Variants in ADAM11 observed in about 807,000 individuals in gnomAD.
ADAM11 encodes ADAM metallopeptidase domain 11.
ADAM11 carries 49 observed loss-of-function variants against 119.1 expected under a neutral mutation model. The observed-to-expected ratio is 0.41, with a 90% CI of 0.33 to 0.52. ADAM11 has a LOEUF of 0.52. Among genes scored for constraint, ADAM11 ranks in the 20% least tolerant of loss-of-function variants. The pLI, the probability that ADAM11 is intolerant of heterozygous loss-of-function variation, is 0.20. For missense variants in ADAM11, 777 were observed against 1,047.5 expected (o/e 0.74, Z 3.56); for synonymous variants, 364 against 408.0 (o/e 0.89, Z 1.30).
rs761082990 is a variant in ADAM11, at chr17:44,772,318, G to A, written c.595G>A (p.Gly199Arg). 32 of 1,601,806 alleles carry A rather than the reference G, an allele frequency of 2.0e-5. No homozygotes were observed. The highest frequency in any genetic ancestry group is 5.4e-5 in the African/African-American group (4 of 74,598). Residue 199 changes from glycine to arginine, a missense_variant, in exon 7 of 27, where the codon GGA becomes AGA. Transcript: ENST00000200557. This position sits in a 1 kb window ranked among gnomAD's most constrained non-coding sequence, Gnocchi z 4.5. Reference protein sequence around the residue: ...YRTPLLPDPLGCREPGCLFAV... With the variant: ...YRTPLLPDPLRCREPGCLFAV... ...GACCCCTCTCCTCCCAGATCCCCTC[G>A]GATGCAGGGAACCAGGTAAGGGAGG...
Position 44,777,342 on chromosome 17 carries a change from C to T in ADAM11, c.1781+77C>T, listed in dbSNP as rs917895323. ...CTTTTCAGAGATGGGGCAGCAGGTT[C>T]TCCCAGGAGGAGCCTGTCAGTCCCA... On this transcript the variant is annotated intron_variant, in intron 21 of 26. Coordinates refer to ENST00000200557, the MANE Select transcript of ADAM11 (RefSeq NM_002390.6). The surrounding 1 kb of genome is among the most constrained non-coding windows in gnomAD (Gnocchi z 5.1). The T allele has an allele frequency of 1.3e-6, 2 of 1,538,866 alleles. No individual in the cohort carries two copies. Among genetic ancestry groups the T allele is most frequent in the South Asian group, 2.4e-5 (2 of 83,884 alleles).
chr17:44,760,134 A>G (rs1050829771), intron 2 of ADAM11, among the ~76,000 whole-genome samples: 4 of 152,336 alleles, frequency 2.6e-5, no homozygotes, highest in African/African-American at 9.6e-5. Flanking sequence ...AGGGACCACT[A>G]ATGCCTAGGT....
Position 44,776,943 on chromosome 17 carries a change from C to T in ADAM11, c.1662C>T (p.Cys554=). The T allele has an allele frequency of 6.2e-7, 1 of 1,612,760 alleles. No homozygotes were observed. Among genetic ancestry groups the T allele is most frequent in the Admixed American group, 1.7e-5 (1 of 59,964 alleles). The change falls in exon 20 of 27, where the codon TGC becomes TGT. Residue 554 remains cysteine, a synonymous_variant. Coordinates refer to ENST00000200557, the MANE Select transcript of ADAM11 (RefSeq NM_002390.6). This position sits in a 1 kb window ranked among gnomAD's most constrained non-coding sequence, Gnocchi z 5.2. ...GCTGCAAAACCCGGGACCGGCAGTG[C>T]CAGGTTCTTTGGGGCCATGGTGAGT... ...GGRCKTRDRQ[C]QVLWGHAAAD...
rs373966292 is a variant in ADAM11, at chr17:44,774,284, C to G, written c.993-11C>G. 3 of 1,456,590 alleles carry G rather than the reference C, an allele frequency of 2.1e-6. No individual in the cohort carries two copies. Among genetic ancestry groups the G allele is most frequent in the African/African-American group, 2.9e-5 (2 of 69,868 alleles). The allele number at this position is 1,456,590 out of a possible 1,614,324, so 90.2% of individuals were successfully genotyped here. ...GGCAGGAGGCCATCCTGACAGCGCA[C>G]TCCCTTCCAGGGGCAGGACCTTCCA... On this transcript the variant is annotated splice_polypyrimidine_tract_variant and intron_variant, in intron 11 of 26. Transcript: ENST00000200557.
chr17:44,771,542 C>T (rs767438365), intron 4 of ADAM11, 42 bp from the exon 5 acceptor site: 55 of 1,595,524 alleles, frequency 3.4e-5, no homozygotes, highest in Middle Eastern at 4.3e-4. Flanking sequence ...TGGCTGCCCC[C>T]GGCCTCATGC....
chr17:44,778,275 A>T (rs749873167), intron 25 of ADAM11, 33 bp downstream of exon 25: 6 of 1,587,506 alleles, frequency 3.8e-6, no homozygotes, highest in Non-Finnish European at 5.1e-6. Context: ...GCCCCCTGGC[A>T]TCCTTGAGGG....
At chr17:44,764,237 C>T (rs193210200) in intron 2 of ADAM11, among the ~76,000 whole-genome samples, 2 of 152,310 alleles carry the variant, frequency 1.3e-5, no homozygotes, top group Admixed American at 1.3e-4. Context: ...GATGCCCAGG[C>T]CAGCATTTAC....
rs759203503 is a variant in ADAM11 at position 44,780,192 on chromosome 17, T to A, written c.*438T>A. 3.5e-5 allele frequency: 17 copies of A among 481,926 alleles called. No individual in the cohort carries two copies. Among genetic ancestry groups the A allele is most frequent in the East Asian group, 5.8e-5 (1 of 17,344 alleles). The allele number at this position is 481,926 out of a possible 1,614,324, so 29.9% of individuals were successfully genotyped here. On this transcript the variant is annotated 3_prime_UTR_variant, in exon 27 of 27. Coordinates refer to ENST00000200557, the MANE Select transcript of ADAM11 (RefSeq NM_002390.6). ...GGACGGGGCTGACATCTACATTTTT[T>A]AAAACTGAATCTTAATCGATGAATG...
chr17:44,776,818 C>T lies in ADAM11; in HGVS notation c.1617+23C>T. ...CAGGTATGATGGCTGCCCCCTGAGCCTGGGATTCAGGGCAGTCTCTTGTCT... is the reference window on the plus strand; with the variant it reads ...CAGGTATGATGGCTGCCCCCTGAGCTTGGGATTCAGGGCAGTCTCTTGTCT... On this transcript the variant is annotated intron_variant, in intron 19 of 26. Transcript: ENST00000200557. This position sits in a 1 kb window ranked among gnomAD's most constrained non-coding sequence, Gnocchi z 5.2. 1 of 1,614,178 alleles carries T rather than the reference C, an allele frequency of 6.2e-7. No individual in the cohort carries two copies. Among genetic ancestry groups the T allele is most frequent in the Non-Finnish European group, 8.5e-7 (1 of 1,180,008 alleles).
Position 44,779,211 on chromosome 17 carries a change from T to C in ADAM11, c.2277-11T>C. The C allele has an allele frequency of 1.9e-6, 3 of 1,586,342 alleles. No individual in the cohort carries two copies. The highest frequency in any genetic ancestry group is 1.8e-5 in the Admixed American group (1 of 54,892). On this transcript the variant is annotated splice_polypyrimidine_tract_variant and intron_variant, in intron 25 of 26. Coordinates refer to ENST00000200557, the MANE Select transcript of ADAM11 (RefSeq NM_002390.6). ...CTTTTCCTCTCCCCTTCCACCATCC[T>C]CCCCCTGCAGAAACATTCGCCGAGG...
At position 44,774,227 on chromosome 17, in the gene ADAM11, G is replaced by A. The variant is rs1041158427; in HGVS notation, c.993-68G>A. The stretch of plus-strand genomic sequence containing the variant: ...ACTCTAGTGTGAGGGGCTCCCCAAG[G>A]CCCCACCACCACCCGGGGAGCCACA... On this transcript the variant is annotated intron_variant, in intron 11 of 26. Coordinates refer to ENST00000200557, the MANE Select transcript of ADAM11 (RefSeq NM_002390.6). 4 of 1,066,114 alleles carry A rather than the reference G, an allele frequency of 3.8e-6. No homozygotes were observed. In the African/African-American group the frequency reaches 6.5e-5, roughly 17 times the overall value. 66.0% of individuals were successfully genotyped at this position (1,066,114 alleles called of 1,614,324 possible). A position where few individuals can be genotyped will look rare whatever the true frequency, so the allele number is the denominator to read the frequency against.
Position 44,762,969 on chromosome 17 carries a change from CA to C in ADAM11, c.237+3089del, listed in dbSNP as rs56690757. 4.1e-3 allele frequency among the ~76,000 whole-genome samples: 532 copies of C among 130,624 alleles called. 1 individual carries two copies. The highest frequency in any genetic ancestry group is 4.4e-3 in the Admixed American group (58 of 13,056). 85.7% of individuals were successfully genotyped at this position (130,624 alleles called of 152,430 possible). A position where few individuals can be genotyped will look rare whatever the true frequency, so the allele number is the denominator to read the frequency against. On this transcript the variant is annotated intron_variant, in intron 2 of 26. Transcript: ENST00000200557. The stretch of plus-strand genomic sequence containing the variant: ...ACCATAGTGAGACTCCCGTCTCTAC[CA>C]AAAAAAAAAAAAAAAATTACCCAAG...
At position 44,772,354 on chromosome 17, in the gene ADAM11, T is replaced by TG; in HGVS notation, c.610+25dup. 1.7e-6 allele frequency: 1 copy of TG among 573,732 alleles called. No homozygotes were observed. The highest frequency in any genetic ancestry group is 3.2e-6 in the Non-Finnish European group (1 of 313,604). 35.5% of individuals were successfully genotyped at this position (573,732 alleles called of 1,614,324 possible). ...ACCAGGTAAGGGAGGGAAGGGGGGG[T>TG]GGGGAGGGGCCGGCTGTGCCCCCCT... On this transcript the variant is annotated intron_variant, in intron 7 of 26. Coordinates refer to ENST00000200557, the MANE Select transcript of ADAM11 (RefSeq NM_002390.6). The surrounding 1 kb of genome is among the most constrained non-coding windows in gnomAD (Gnocchi z 4.5).
chr17:44,770,097 G>A (rs775633211), intron 4 of ADAM11, 49 bp downstream of exon 4: 28 of 1,599,438 alleles, frequency 1.8e-5, no homozygotes, highest in Non-Finnish European at 2.3e-5. Context: ...GGGAGGTGCT[G>A]TTTCTGTGGT....
Position 44,772,587 on chromosome 17 carries a change from G to A in ADAM11, c.678+121G>A, listed in dbSNP as rs1598889829. The A allele has an allele frequency of 4.6e-6, 6 of 1,309,288 alleles. No homozygotes were observed. In the East Asian group the frequency reaches 1.5e-4, roughly 33 times the overall value. The allele number at this position is 1,309,288 out of a possible 1,614,324, so 81.1% of individuals were successfully genotyped here. A position where few individuals can be genotyped will look rare whatever the true frequency, so the allele number is the denominator to read the frequency against. On this transcript the variant is annotated intron_variant, in intron 8 of 26. Transcript: ENST00000200557. This position sits in a 1 kb window ranked among gnomAD's most constrained non-coding sequence, Gnocchi z 4.5. ...GCTGGGGCGAAGGAAGGCTCAGATG[G>A]ATGTGGCTGGGGGCCAGGGACCGTG...
At chr17:44,774,128 A>C (rs1462445734) in intron 11 of ADAM11, among the ~76,000 whole-genome samples, 167 bp from the exon 12 acceptor site, 1 of 151,870 alleles carries the variant, frequency 6.6e-6, no homozygotes, top group Non-Finnish European at 1.5e-5. Context: ...AAAAGAACCC[A>C]AGGAGGGGGG....
chr17:44,769,223 CCT>C (rs1381900733), intron 2 of ADAM11, among the ~76,000 whole-genome samples: 13 of 152,230 alleles, frequency 8.5e-5, no homozygotes, highest in African/African-American at 2.9e-4. Context: ...CCCATTCGCC[CCT>C]GTCCGAGGCC....
At chr17:44,770,740 G>A (rs375833869) in intron 4 of ADAM11, among the ~76,000 whole-genome samples, 62 of 152,338 alleles carry the variant, frequency 4.1e-4, no homozygotes, top group African/African-American at 1.5e-3. Context: ...GTTAGTGCCA[G>A]AGCAGTGCTG....
Position 44,773,346 on chromosome 17 carries a change from A to G in ADAM11, c.911A>G (p.Asp304Gly). The change falls in exon 11 of 27, where the codon GAC (aspartate) becomes GGC (glycine). Residue 304 changes from aspartate to glycine, a missense_variant. By Grantham distance (94) the Asp-to-Gly change is moderately conservative. This residue lies in a region of ADAM11 where 147 missense variants were observed against 223.3 expected (regional missense o/e 0.66). Coordinates refer to ENST00000200557, the MANE Select transcript of ADAM11 (RefSeq NM_002390.6). The surrounding 1 kb of genome is among the most constrained non-coding windows in gnomAD (Gnocchi z 4.6). The stretch of plus-strand genomic sequence containing the variant: ...GGGGACAAGATCCAGGTGCAGGATG[A>G]CCTCCTGGAGACCCTGGCCCGGCTC... ...ADGDKIQVQD[D>G]LLETLARLMV... The G allele has an allele frequency of 6.2e-7, 1 of 1,613,722 alleles. No homozygotes were observed. Among genetic ancestry groups the G allele is most frequent in the Non-Finnish European group, 8.5e-7 (1 of 1,179,948 alleles).
Sources: gnomAD v4.1 joint callset for allele counts (sites outside exome capture counted in the v4.1 genomes callset) on GRCh38, gnomAD v4.1.1 for gene constraint, gnomAD v4.1.1 regional missense constraint, Gnocchi (gnomAD v3.1) non-coding constraint, MANE v1.5 for transcripts, NCBI Gene and HGNC (gene_info 2026-07-23, HGNC 2026-07-21) for gene names.